Variants in IMMP2L observed in about 807,000 individuals in gnomAD.
The protein encoded by IMMP2L is mitochondrial inner membrane protease subunit 2.
In IMMP2L, 18 loss-of-function variants were observed where a neutral mutation model predicts 19.3. The observed-to-expected ratio is 0.93, with a 90% CI of 0.64 to 1.38. IMMP2L has a LOEUF of 1.38. Ranked by LOEUF, IMMP2L falls within the 40% of genes most tolerant of loss-of-function variation. IMMP2L has a pLI of 0.00. For synonymous variants in IMMP2L, 76 were observed against 73.0 expected (o/e 1.04, Z -0.21); for missense variants, 233 against 218.2 (o/e 1.07, Z -0.43).
intron 3 of IMMP2L, among the ~76,000 whole-genome samples, chr7:110,972,773 AAG>A (rs1820281972): frequency 6.6e-6 from 1 of 152,064 alleles, no homozygotes; most frequent in Non-Finnish European, 1.5e-5. Flanking sequence ...GGTGACTAAG[AAG>A]AGAGAGTGCT....
intron 5 of IMMP2L, among the ~76,000 whole-genome samples, chr7:110,858,740 C>T (rs1281204806): frequency 6.6e-6 from 1 of 151,934 alleles, no homozygotes. Flanking sequence ...TCTCCTAATG[C>T]TATCCCTCCC....
At chr7:110,863,394 G>T (rs1326161146) in intron 5 of IMMP2L, among the ~76,000 whole-genome samples, 1 of 152,058 alleles carries the variant, frequency 6.6e-6, no homozygotes, top group Non-Finnish European at 1.5e-5. Context: ...TCCACAGTAT[G>T]ATTTTTCAAC....
chr7:110,916,161 T>C (rs1242158796), intron 4 of IMMP2L, among the ~76,000 whole-genome samples: 2 of 152,200 alleles, frequency 1.3e-5, no homozygotes, highest in African/African-American at 4.8e-5. Flanking sequence ...CGTTGTATGA[T>C]TTAGTCATGC....
chr7:110,677,163 TG>T (rs908424220), intron 5 of IMMP2L, among the ~76,000 whole-genome samples: 7 of 152,136 alleles, frequency 4.6e-5, no homozygotes, highest in Admixed American at 3.9e-4. Flanking sequence ...AAGAACAAAA[TG>T]ATTCCTTTAA....
chr7:110,935,997 T>C (rs1345155941), intron 4 of IMMP2L, among the ~76,000 whole-genome samples: 2 of 152,182 alleles, frequency 1.3e-5, no homozygotes, highest in Non-Finnish European at 2.9e-5. Flanking sequence ...GCTAGCCATA[T>C]GCAGAAAACT....
intron 5 of IMMP2L, among the ~76,000 whole-genome samples, chr7:110,680,325 T>G (rs1439080451): frequency 6.6e-6 from 1 of 152,160 alleles, no homozygotes; most frequent in Non-Finnish European, 1.5e-5. Context: ...TATTGCTACA[T>G]GTCTGCAAGT....
chr7:111,243,359 A>T (rs1815393432), intron 3 of IMMP2L, among the ~76,000 whole-genome samples: 1 of 152,128 alleles, frequency 6.6e-6, no homozygotes, highest in Non-Finnish European at 1.5e-5. Context: ...TGTACACAGT[A>T]CTAGTAAATT....
At chr7:110,718,722 T>C (rs1281975618) in intron 5 of IMMP2L, among the ~76,000 whole-genome samples, 2 of 151,984 alleles carry the variant, frequency 1.3e-5, no homozygotes, top group Non-Finnish European at 2.9e-5. Context: ...GGATAAGAGA[T>C]CATGGTTTTG....
chr7:111,110,456 A>T (rs748639990), intron 3 of IMMP2L, among the ~76,000 whole-genome samples: 1 of 152,224 alleles, frequency 6.6e-6, no homozygotes, highest in African/African-American at 2.4e-5. Flanking sequence ...GATCACAAAT[A>T]TAGATTATAT....
intron 3 of IMMP2L, among the ~76,000 whole-genome samples, chr7:111,129,577 G>A (rs1440422997): frequency 3.3e-5 from 5 of 151,894 alleles, no homozygotes; most frequent in Admixed American, 3.3e-4. Flanking sequence ...TTACCCTAAC[G>A]AATGCATTGC....
chr7:110,763,327 C>T (rs114482186), intron 5 of IMMP2L, among the ~76,000 whole-genome samples: 71 of 152,190 alleles, frequency 4.7e-4, no homozygotes, highest in South Asian at 1.7e-3. Flanking sequence ...TCAACCCTGA[C>T]GACACACTTT....
At chr7:111,522,007 T>C (rs1846377444) in intron 1 of IMMP2L, among the ~76,000 whole-genome samples, 1 of 152,030 alleles carries the variant, frequency 6.6e-6, no homozygotes, top group Non-Finnish European at 1.5e-5. Flanking sequence ...AATTTGGTGG[T>C]AGGAGCAGGG....
intron 4 of IMMP2L, among the ~76,000 whole-genome samples, chr7:110,935,333 C>A (rs1008054461): frequency 2.6e-5 from 4 of 152,156 alleles, no homozygotes; most frequent in African/African-American, 9.7e-5. Context: ...CCACCACTCT[C>A]TTCTGGCTTG....
chr7:111,129,060 G>GAGATTA (rs1345620704), intron 3 of IMMP2L, among the ~76,000 whole-genome samples: 3 of 152,044 alleles, frequency 2.0e-5, no homozygotes, highest in African/African-American at 7.2e-5. Context: ...TAAAATTTCA[G>GAGATTA]AGATTAACAT....
chr7:111,241,932 T>A (rs1176759916), intron 3 of IMMP2L, among the ~76,000 whole-genome samples: 1 of 151,960 alleles, frequency 6.6e-6, no homozygotes, highest in Non-Finnish European at 1.5e-5. Context: ...AAACATGTTG[T>A]TAAAGTTTAA....
At chr7:110,901,865 T>A (rs922708750) in intron 4 of IMMP2L, among the ~76,000 whole-genome samples, 1 of 152,148 alleles carries the variant, frequency 6.6e-6, no homozygotes, top group East Asian at 1.9e-4. Context: ...ATTTTAGATA[T>A]ATCTGAAGTA....
intron 5 of IMMP2L, among the ~76,000 whole-genome samples, chr7:110,838,241 G>A (rs1457047314): frequency 6.6e-6 from 1 of 151,986 alleles, no homozygotes; most frequent in African/African-American, 2.4e-5. Context: ...TAATATACAT[G>A]TTCTACTATT....
At chr7:111,136,188 C>T (rs762771965) in intron 3 of IMMP2L, among the ~76,000 whole-genome samples, 4 of 151,934 alleles carry the variant, frequency 2.6e-5, no homozygotes, top group African/African-American at 7.3e-5. Flanking sequence ...CCACCATGCC[C>T]GGCTAATTTT....
intron 5 of IMMP2L, among the ~76,000 whole-genome samples, chr7:110,847,441 C>G (rs1319088905): frequency 1.3e-5 from 2 of 152,078 alleles, no homozygotes; most frequent in Non-Finnish European, 2.9e-5. Flanking sequence ...TCAGATAATA[C>G]AGAAAATATA....
Sources: allele counts gnomAD v4.1 joint callset (sites outside exome capture counted in the v4.1 genomes callset), GRCh38; gene constraint gnomAD v4.1.1; transcripts MANE v1.5; gene names NCBI Gene and HGNC (gene_info 2026-07-23, HGNC 2026-07-21).